DOP1A: variants seen among roughly 807,000 people sequenced by gnomAD.
DOP1A encodes the protein DOP1 leucine zipper like protein A, also known as protein DOP1A.
Under a neutral mutation model 267.6 loss-of-function variants are expected in DOP1A, and 90 were observed. The ratio of observed to expected loss-of-function variants is 0.34; its 90% CI spans 0.28 to 0.40. DOP1A has a LOEUF of 0.40. Among genes scored for constraint, DOP1A ranks in the 10% least tolerant of loss-of-function variants. The probability of loss-of-function intolerance (pLI) is 1.00; values close to 1 mark genes in which losing one functional copy is unlikely to be tolerated. For synonymous variants in DOP1A, 932 were observed against 999.1 expected, an observed-to-expected ratio of 0.93 and a Z score of 1.27; for missense variants, 2,437 against 2,900.4, an observed-to-expected ratio of 0.84 and a Z score of 3.67.
intron 3 of DOP1A, among the ~76,000 whole-genome samples, chr6:83,098,733 C>A (rs1771958346): frequency 6.6e-6 from 1 of 152,078 alleles, no homozygotes; most frequent in Admixed American, 6.5e-5. Context: ...TTCAGCTGGC[C>A]TGGACACTCT....
At chr6:83,170,136 T>C (rs753360587), downstream of DOP1A, among the ~76,000 whole-genome samples, 2 of 152,228 alleles carry the variant, frequency 1.3e-5, no homozygotes, top group African/African-American at 4.8e-5. Context: ...TTTTGTTAAA[T>C]TGTATAATTA....
chr6:83,120,233 T>A (rs1217501567), intron 9 of DOP1A, among the ~76,000 whole-genome samples: 1 of 151,936 alleles, frequency 6.6e-6, no homozygotes, highest in Admixed American at 6.6e-5. Flanking sequence ...TATATTTATT[T>A]AAGATATTTG....
At chr6:83,136,034 T>C (rs1449830488) in intron 20 of DOP1A, among the ~76,000 whole-genome samples, 156 bp downstream of exon 20, 2 of 152,186 alleles carry the variant, frequency 1.3e-5, no homozygotes, top group South Asian at 4.1e-4. Context: ...GTGTGGACCA[T>C]GTCAGAATGT....
chr6:83,169,494 C>A, downstream of DOP1A: 1 of 736,968 alleles, frequency 1.4e-6, no homozygotes, highest in East Asian at 2.8e-5. Flanking sequence ...ATTCCAAAGC[C>A]CTTAAATAAA....
At chr6:83,085,485 G>T (rs781139524) in intron 1 of DOP1A, among the ~76,000 whole-genome samples, 2 of 152,166 alleles carry the variant, frequency 1.3e-5, no homozygotes, top group Non-Finnish European at 2.9e-5. Flanking sequence ...AGAACTTTTG[G>T]TAGGGTTTGA....
intron 6 of DOP1A, among the ~76,000 whole-genome samples, chr6:83,111,784 A>G (rs1774605366): frequency 6.6e-6 from 1 of 152,182 alleles, no homozygotes; most frequent in Non-Finnish European, 1.5e-5. Context: ...CTTGTCGTAT[A>G]TATGATTTGA....
chr6:83,120,995 T>C (rs1266083857), intron 10 of DOP1A, among the ~76,000 whole-genome samples: 2 of 151,922 alleles, frequency 1.3e-5, no homozygotes, highest in Non-Finnish European at 2.9e-5. Context: ...TCTTGTGGTA[T>C]GTATGTAGCA....
At chr6:83,130,676 A>G (rs1273917326) in intron 17 of DOP1A, among the ~76,000 whole-genome samples, 3 of 152,200 alleles carry the variant, frequency 2.0e-5, no homozygotes, top group Non-Finnish European at 4.4e-5. Flanking sequence ...CCATGTAGGA[A>G]ATAATTTCAG....
downstream of DOP1A, chr6:83,170,331 G>A (rs1786845541): frequency 5.0e-6 from 8 of 1,613,994 alleles, no homozygotes; most frequent in Non-Finnish European, 6.8e-6. Context: ...GCATATACTC[G>A]GACGACATCT....
intron 4 of DOP1A, among the ~76,000 whole-genome samples, chr6:83,105,317 A>T (rs1035026218): frequency 2.0e-5 from 3 of 150,900 alleles, no homozygotes; most frequent in Non-Finnish European, 4.4e-5. Flanking sequence ...GAAGTGAGCA[A>T]GGAAATATTA....
chr6:83,165,856 C>T, intron 38 of DOP1A: 1 of 342,922 alleles, frequency 2.9e-6, no homozygotes, highest in Non-Finnish European at 5.8e-6. Flanking sequence ...GTTTTTGGTG[C>T]ATCTCATTGA....
At chr6:83,168,662 A>G (rs949482181), downstream of DOP1A, 2 of 995,268 alleles carry the variant, frequency 2.0e-6, no homozygotes, top group African/African-American at 1.7e-5. Context: ...ATGCATCCTT[A>G]AAAGTATTGC....
At chr6:83,163,101 C>T (rs533537913) in intron 38 of DOP1A, among the ~76,000 whole-genome samples, 182 bp downstream of exon 38, 18 of 151,984 alleles carry the variant, frequency 1.2e-4, no homozygotes, top group Non-Finnish European at 1.9e-4. Flanking sequence ...GAAAACATAT[C>T]GTATGTATTT....
In DOP1A at chr6:83,160,077, C is replaced by A. The variant is rs1473856092; in HGVS notation, c.6962+117C>A. The A allele has an allele frequency of 1.0e-5, 10 of 976,284 alleles. No individual in the cohort carries two copies. The Admixed American group carries it at 2.6e-4, about 25-fold the overall frequency. The allele number at this position is 976,284 out of a possible 1,614,324, so 60.5% of individuals were successfully genotyped here. Reference sequence around the variant, plus strand: ...TAAGTTGAAATATTCCTAATTTTTACTAAAATGTAATTCTTTTGGCACAGC... The same window carrying A: ...TAAGTTGAAATATTCCTAATTTTTAATAAAATGTAATTCTTTTGGCACAGC... On this transcript the variant is annotated intron_variant, in intron 37 of 38. Transcript: ENST00000349129.
At chr6:83,120,836 T>C (rs769267608) in intron 10 of DOP1A, 45 bp downstream of exon 10, 68 of 1,334,216 alleles carry the variant, frequency 5.1e-5, no homozygotes, top group Non-Finnish European at 6.4e-5. Context: ...GTGGTACTTT[T>C]GTGTTAATAA....
At chr6:83,130,626 A>C (rs1777869404) in intron 17 of DOP1A, among the ~76,000 whole-genome samples, 2 of 152,204 alleles carry the variant, frequency 1.3e-5, no homozygotes, top group South Asian at 4.1e-4. Context: ...AAGGAGTAGG[A>C]ATATTAGGAT....
At chr6:83,136,788 C>G (rs911152800) in intron 20 of DOP1A, among the ~76,000 whole-genome samples, 1 of 152,034 alleles carries the variant, frequency 6.6e-6, no homozygotes, top group African/African-American at 2.4e-5. Context: ...AGTGCCAGAC[C>G]TCATCAATGG....
intron 7 of DOP1A, among the ~76,000 whole-genome samples, chr6:83,115,647 C>G (rs562814969): frequency 6.6e-6 from 1 of 152,292 alleles, no homozygotes; most frequent in Admixed American, 6.5e-5. Flanking sequence ...TGGCGTGAAC[C>G]CGGGAGGGGG....
chr6:83,131,593 T>C (rs72903886), intron 17 of DOP1A, among the ~76,000 whole-genome samples: 2,860 of 152,250 alleles, frequency 0.019, 44 homozygotes, highest in Non-Finnish European at 0.029. Flanking sequence ...AGCATCACTT[T>C]ACTAAACACC....
Sources: gnomAD v4.1 joint callset for allele counts (sites outside exome capture counted in the v4.1 genomes callset) on GRCh38, gnomAD v4.1.1 for gene constraint, MANE v1.5 for transcripts, NCBI Gene and HGNC (gene_info 2026-07-23, HGNC 2026-07-21) for gene names.